The following L3MBTL4 variants were observed in gnomAD, a reference collection of about 807,000 sequenced individuals.
L3MBTL4 encodes the protein lethal(3)malignant brain tumor-like protein 4.
A neutral mutation model predicts 84.5 loss-of-function variants in L3MBTL4; 70 were observed. The observed-to-expected ratio is 0.83, with a 90% CI of 0.68 to 1.01. L3MBTL4 has a LOEUF of 1.01. Among genes scored for constraint, L3MBTL4 ranks in the 50% least tolerant of loss-of-function variants. L3MBTL4 has a pLI of 0.00. For synonymous variants in L3MBTL4, 274 were observed against 259.8 expected (o/e 1.05, Z -0.52); for missense variants, 715 against 754.8 (o/e 0.95, Z 0.62).
chr18:6,032,934 T>G (rs985393886), intron 16 of L3MBTL4, among the ~76,000 whole-genome samples: 4 of 152,238 alleles, frequency 2.6e-5, no homozygotes, highest in African/African-American at 9.6e-5. Context: ...TGACTTAATT[T>G]GTGACCTAAC....
intron 16 of L3MBTL4, among the ~76,000 whole-genome samples, chr18:5,985,856 G>A (rs1343584948): frequency 6.6e-6 from 1 of 152,160 alleles, no homozygotes; most frequent in East Asian, 1.9e-4. Context: ...TGGGGATGAT[G>A]CTACAAATGG....
chr18:6,233,770 C>G lies in L3MBTL4; in HGVS notation c.784+4194G>C, dbSNP rs7242344. On this transcript the variant is annotated intron_variant, in intron 10 of 18. Transcript: ENST00000317931. The stretch of plus-strand genomic sequence containing the variant: ...GGTAATTTACAGATTCAATGCCATC[C>G]CCATCAAGCTACCAATGACTTTCTT... 8.3e-3 allele frequency among the ~76,000 whole-genome samples: 1,265 copies of G among 152,154 alleles called. 22 individuals carry two copies. Among genetic ancestry groups the G allele is most frequent in the African/African-American group, 0.029 (1,201 of 41,460 alleles).
chr18:6,260,368 T>C (rs2048346943), intron 5 of L3MBTL4: 1 of 152,234 alleles, frequency 6.6e-6, no homozygotes, highest in South Asian at 2.1e-4. Flanking sequence ...TAGATTGCTT[T>C]GGGGAGTATG....
intron 16 of L3MBTL4, among the ~76,000 whole-genome samples, chr18:5,993,537 T>C (rs906094090): frequency 1.3e-5 from 2 of 149,118 alleles, no homozygotes; most frequent in Non-Finnish European, 3.0e-5. Context: ...CAAGCTCTTC[T>C]AGAGCAAGTT....
intron 16 of L3MBTL4, among the ~76,000 whole-genome samples, chr18:6,022,967 G>A (rs1033193740): frequency 3.9e-5 from 6 of 152,086 alleles, no homozygotes; most frequent in East Asian, 1.9e-4. Flanking sequence ...CTGACCTTGC[G>A]TAAATTTCTT....
chr18:6,370,992 G>A (rs576264687), intron 1 of L3MBTL4, among the ~76,000 whole-genome samples: 1 of 152,266 alleles, frequency 6.6e-6, no homozygotes, highest in African/African-American at 2.4e-5. Flanking sequence ...TCTTAGTCGC[G>A]CCAAGGAGGG....
chr18:6,231,770 G>A (rs982322293), intron 10 of L3MBTL4, among the ~76,000 whole-genome samples: 1 of 151,976 alleles, frequency 6.6e-6, no homozygotes, highest in Non-Finnish European at 1.5e-5. Flanking sequence ...CCATTTTGTT[G>A]AATTGGTTTA....
chr18:6,240,680 C>T (rs1261572613), intron 8 of L3MBTL4, among the ~76,000 whole-genome samples: 1 of 152,160 alleles, frequency 6.6e-6, no homozygotes, highest in Non-Finnish European at 1.5e-5. Context: ...ATTTTTACAG[C>T]AACTTCACGT....
intron 1 of L3MBTL4, among the ~76,000 whole-genome samples, chr18:6,358,077 A>T (rs2053524926): frequency 6.6e-6 from 1 of 152,182 alleles, no homozygotes; most frequent in Non-Finnish European, 1.5e-5. Flanking sequence ...AGGTGGAGAA[A>T]ATCAACTTTC....
chr18:6,081,461 A>C (rs1052155405), intron 15 of L3MBTL4, among the ~76,000 whole-genome samples: 2 of 152,212 alleles, frequency 1.3e-5, no homozygotes, highest in African/African-American at 4.8e-5. Context: ...TTTATCATGG[A>C]ACTTCATTAA....
intron 5 of L3MBTL4, chr18:6,258,877 A>C (rs1327366901): frequency 6.6e-6 from 1 of 152,348 alleles, no homozygotes; most frequent in Non-Finnish European, 1.5e-5. Context: ...ACACACATGC[A>C]CACACACCCT....
rs979254335 is a variant in L3MBTL4, at chr18:5,969,306, A to T, written c.1614+87T>A. On this transcript the variant is annotated intron_variant, in intron 17 of 18. Coordinates refer to ENST00000317931, the MANE Select transcript of L3MBTL4 (RefSeq NM_001330559.2). ...TAAGAGAAAAAGGGCGCTGTCCCAG[A>T]CATCAAAGAATGGTCAGTGGGCACC... 2.1e-6 allele frequency: 3 copies of T among 1,445,864 alleles called. No homozygotes were observed. In the African/African-American group the frequency reaches 4.2e-5, roughly 20 times the overall value. 89.6% of individuals were successfully genotyped at this position (1,445,864 alleles called of 1,614,324 possible).
intron 4 of L3MBTL4, among the ~76,000 whole-genome samples, chr18:6,287,403 T>C (rs553604285): frequency 1.3e-5 from 2 of 152,348 alleles, no homozygotes; most frequent in South Asian, 4.1e-4. Context: ...TCTTCTCTGA[T>C]GCTTTCCCTT....
intron 16 of L3MBTL4, among the ~76,000 whole-genome samples, chr18:6,061,221 T>C (rs2057208835): frequency 6.6e-6 from 1 of 152,080 alleles, no homozygotes; most frequent in Non-Finnish European, 1.5e-5. Context: ...TAGTGGTATC[T>C]CATTTTAATT....
intron 1 of L3MBTL4, among the ~76,000 whole-genome samples, chr18:6,346,999 A>G (rs2052939149): frequency 1.3e-5 from 2 of 152,184 alleles, no homozygotes; most frequent in African/African-American, 4.8e-5. Context: ...TCAGCCTTTA[A>G]AAAGAAGGAA....
intron 1 of L3MBTL4, among the ~76,000 whole-genome samples, chr18:6,323,852 C>A (rs1033051359): frequency 6.6e-6 from 1 of 152,198 alleles, no homozygotes; most frequent in African/African-American, 2.4e-5. Flanking sequence ...AAAAGAGGAG[C>A]CAGATCCTAA....
chr18:6,243,768 C>T (rs894481748), intron 6 of L3MBTL4, among the ~76,000 whole-genome samples: 5 of 152,190 alleles, frequency 3.3e-5, no homozygotes, highest in Admixed American at 6.5e-5. Flanking sequence ...CTATCTTCTG[C>T]CCTCTGGCCT....
chr18:6,291,932 A>C (rs2049883649), intron 4 of L3MBTL4, among the ~76,000 whole-genome samples: 1 of 152,216 alleles, frequency 6.6e-6, no homozygotes, highest in African/African-American at 2.4e-5. Flanking sequence ...ATGGGGGAAA[A>C]CATTTTCAAA....
At chr18:6,339,606 A>C (rs985122390) in intron 1 of L3MBTL4, among the ~76,000 whole-genome samples, 4 of 152,158 alleles carry the variant, frequency 2.6e-5, no homozygotes, top group Non-Finnish European at 5.9e-5. Context: ...TATAAGAGAA[A>C]ATATCAATGG....
Sources: gnomAD v4.1 joint callset for allele counts (sites outside exome capture counted in the v4.1 genomes callset) on GRCh38, gnomAD v4.1.1 for gene constraint, MANE v1.5 for transcripts, NCBI Gene and HGNC (gene_info 2026-07-23, HGNC 2026-07-21) for gene names.